Variants in LDLRAD4 observed in about 807,000 individuals in gnomAD.
LDLRAD4 encodes low density lipoprotein receptor class A domain containing 4, also known as low-density lipoprotein receptor class A domain-containing protein 4.
LDLRAD4 carries 5 observed loss-of-function variants against 17.0 expected under a neutral mutation model. The ratio of observed to expected loss-of-function variants is 0.29; its 90% confidence interval spans 0.15 to 0.62. The LOEUF is 0.62. LDLRAD4 is among the 20% of genes least tolerant of loss of function. The pLI is 0.84. For synonymous variants in LDLRAD4, 168 were observed against 171.8 expected, an observed-to-expected ratio of 0.98 and a Z score of 0.17; for missense variants, 340 against 424.7, an observed-to-expected ratio of 0.80 and a Z score of 1.75.
In LDLRAD4 at chr18:13,221,336, CT is replaced by C. The variant is rs200529534; in HGVS notation, c.-467+2355del. On this transcript the variant is annotated intron_variant, in intron 1 of 5. Transcript: ENST00000399848. ...CTTCCCTCTCTCCCTCTGTTCCTTC[CT>C]TTTTTTAGGTCTCAGAAAAAAATCT... Among the ~76,000 whole-genome samples, 189 of 152,106 alleles carry C rather than the reference CT, an allele frequency of 1.2e-3. 4 individuals are homozygous for C. In the East Asian group the frequency reaches 0.014, roughly 12 times the overall value.
chr18:13,304,016 A>G (rs549446588), intron 1 of LDLRAD4, among the ~76,000 whole-genome samples: 10 of 152,344 alleles, frequency 6.6e-5, no homozygotes, highest in African/African-American at 2.4e-4. Context: ...AGGCAAAGCA[A>G]GCACCTGGAA....
intron 3 of LDLRAD4, among the ~76,000 whole-genome samples, chr18:13,474,311 C>T (rs2092878151): frequency 1.3e-5 from 2 of 152,218 alleles, no homozygotes; most frequent in South Asian, 4.1e-4. Context: ...GAGGAATCCT[C>T]AACCAGCCCA....
chr18:13,450,329 C>CT, intron 3 of LDLRAD4, among the ~76,000 whole-genome samples: 2 of 115,436 alleles, frequency 1.7e-5, no homozygotes, highest in African/African-American at 3.4e-5. Flanking sequence ...TCCCCCCACC[C>CT]CCCCCCCCAA....
At chr18:13,602,125 A>C (rs909515404) in intron 3 of LDLRAD4, among the ~76,000 whole-genome samples, 1 of 152,238 alleles carries the variant, frequency 6.6e-6, no homozygotes, top group Non-Finnish European at 1.5e-5. Flanking sequence ...TCATGGACAT[A>C]GAAATGGGAA....
intron 3 of LDLRAD4, among the ~76,000 whole-genome samples, chr18:13,586,769 T>C (rs1044469822): frequency 6.7e-6 from 1 of 150,132 alleles, no homozygotes; most frequent in African/African-American, 2.5e-5. Context: ...ACACCTGTAA[T>C]CCCACATATC....
chr18:13,409,088 G>A (rs185521126), intron 2 of LDLRAD4, among the ~76,000 whole-genome samples: 4 of 152,298 alleles, frequency 2.6e-5, no homozygotes, highest in Non-Finnish European at 5.9e-5. Flanking sequence ...AAATAGGCCT[G>A]CCCATGAAGA....
chr18:13,471,450 A>AG lies in LDLRAD4; in HGVS notation c.181+33070dup, dbSNP rs1364284120. 5 of 152,338 alleles carry AG rather than the reference A, an allele frequency of 3.3e-5. No homozygotes were observed. In the East Asian group the frequency reaches 9.6e-4, roughly 29 times the overall value. The allele number at this position is 152,338 out of a possible 1,614,324, so 9.4% of individuals were successfully genotyped here. ...GTTTTTCTTTCGTAATGGAGAGAAGAGGGGAAGAAAAGGCCCAGGCACTGG... is the reference window on the plus strand; with the variant it reads ...GTTTTTCTTTCGTAATGGAGAGAAGAGGGGGAAGAAAAGGCCCAGGCACTGG... On this transcript the variant is annotated intron_variant, in intron 3 of 5. Transcript: ENST00000359446.
intron 1 of LDLRAD4, among the ~76,000 whole-genome samples, chr18:13,370,758 T>C (rs1214440955): frequency 6.7e-6 from 1 of 149,072 alleles, no homozygotes. Context: ...TCTCTTAGAC[T>C]GGAGTGCAGT....
intron 3 of LDLRAD4, among the ~76,000 whole-genome samples, chr18:13,442,851 T>A (rs1199140433): frequency 2.0e-5 from 3 of 152,202 alleles, no homozygotes; most frequent in Non-Finnish European, 4.4e-5. Context: ...CCAGCGCTGC[T>A]GAGGGATTCT....
intron 3 of LDLRAD4, among the ~76,000 whole-genome samples, chr18:13,474,118 C>T (rs1007015960): frequency 3.3e-5 from 5 of 152,152 alleles, no homozygotes; most frequent in African/African-American, 1.2e-4. Context: ...TGCTTGCTCC[C>T]CCTTTGCCTT....
intron 3 of LDLRAD4, chr18:13,472,513 C>T (rs1568211756): frequency 6.6e-6 from 1 of 152,286 alleles, no homozygotes; most frequent in Non-Finnish European, 1.5e-5. Flanking sequence ...CGACCCTGTC[C>T]AGGCTGGGTG....
At chr18:13,322,571 C>T (rs975628684) in intron 1 of LDLRAD4, among the ~76,000 whole-genome samples, 1 of 150,826 alleles carries the variant, frequency 6.6e-6, no homozygotes, top group Non-Finnish European at 1.5e-5. Flanking sequence ...AAGTGCCTCC[C>T]AAAGTGGCGT....
intron 3 of LDLRAD4, among the ~76,000 whole-genome samples, chr18:13,552,277 C>T (rs1005609826): frequency 5.3e-5 from 8 of 152,334 alleles, no homozygotes; most frequent in African/African-American, 1.2e-4. Flanking sequence ...TCCACGACAC[C>T]GTGCTTCCTA....
At chr18:13,648,198 C>A (rs2043089048) in exon 6 of LDLRAD4, 1 of 152,194 alleles carries the variant, frequency 6.6e-6, no homozygotes, top group African/African-American at 2.4e-5. Flanking sequence ...GGGCTCAGAG[C>A]AGAGACTTGT....
chr18:13,278,218 G>T (rs150634858), intron 1 of LDLRAD4, 30 bp downstream of exon 2: 185 of 152,422 alleles, frequency 1.2e-3, no homozygotes, highest in South Asian at 6.4e-3. Context: ...ACTGTTCTTT[G>T]TGATGATGTC....
At chr18:13,531,109 T>G (rs543813288) in intron 3 of LDLRAD4, among the ~76,000 whole-genome samples, 5 of 152,232 alleles carry the variant, frequency 3.3e-5, no homozygotes, top group Admixed American at 6.5e-5. Context: ...TCCTTAACCC[T>G]GGGGCCTGCC....
At chr18:13,297,554 G>C (rs759293865) in intron 1 of LDLRAD4, among the ~76,000 whole-genome samples, 3 of 152,334 alleles carry the variant, frequency 2.0e-5, no homozygotes, top group East Asian at 1.9e-4. Flanking sequence ...CAGCACTTTG[G>C]GGGGCTGAGG....
intron 4 of LDLRAD4, among the ~76,000 whole-genome samples, chr18:13,636,228 C>T (rs1442670034): frequency 6.6e-6 from 1 of 152,042 alleles, no homozygotes; most frequent in Non-Finnish European, 1.5e-5. Flanking sequence ...ACCACAGTCC[C>T]AGCATGCTCA....
chr18:13,428,713 A>T (rs2090118997), intron 2 of LDLRAD4, among the ~76,000 whole-genome samples: 1 of 152,104 alleles, frequency 6.6e-6, no homozygotes, highest in Non-Finnish European at 1.5e-5. Context: ...GGTGGAGCCA[A>T]CAGAGTGTGT....
Sources: gnomAD v4.1 joint callset for allele counts (sites outside exome capture counted in the v4.1 genomes callset) on GRCh38, gnomAD v4.1.1 for gene constraint, MANE v1.5 for transcripts, NCBI Gene and HGNC (gene_info 2026-07-23, HGNC 2026-07-21) for gene names.